Variants in BUB3 observed in about 807,000 individuals in gnomAD.
The protein encoded by BUB3 is BUB3 mitotic checkpoint protein.
Under a neutral mutation model 39.9 loss-of-function variants are expected in BUB3, and 22 were observed. That is an observed-to-expected ratio of 0.55 (90% CI 0.39 to 0.79). The LOEUF is 0.79. Among genes scored for constraint, BUB3 ranks in the 30% least tolerant of loss-of-function variants. The probability of loss-of-function intolerance (pLI) is 0.00; values close to 1 mark genes in which losing one functional copy is unlikely to be tolerated. For missense variants in BUB3, 303 were observed against 415.4 expected, an observed-to-expected ratio of 0.73 and a Z score of 2.35; for synonymous variants, 168 against 155.1, an observed-to-expected ratio of 1.08 and a Z score of -0.62.
chr10:123,157,166 A>G (rs965397106), intron 3 of BUB3, among the ~76,000 whole-genome samples: 3 of 152,226 alleles, frequency 2.0e-5, no homozygotes, highest in Admixed American at 6.5e-5. Context: ...GTCTATTGAA[A>G]ATTTGAACCA....
At chr10:123,155,423 TG>T (rs1266553817) in intron 2 of BUB3, among the ~76,000 whole-genome samples, 3 of 152,210 alleles carry the variant, frequency 2.0e-5, no homozygotes, top group Non-Finnish European at 4.4e-5. Context: ...TTAGGGGAAA[TG>T]TATGTTTACC....
rs754236959 is a variant in BUB3 at position 123,155,051 on chromosome 10, C to G, written c.134C>G (p.Pro45Arg). Residue 45 changes from proline to arginine, a missense_variant, in exon 2 of 8, where the codon CCG becomes CGG. By Grantham distance (103) the Pro-to-Arg change is moderately radical. This residue lies in a region of BUB3 where 121 missense variants were observed against 122.3 expected (regional missense o/e 0.99). Transcript: ENST00000368865. ...ACGTCCGTGCGTCTCTACGATGTGC[C>G]GGCCAACTCCATGCGGCTCAAGTAC... ...WDTSVRLYDVPANSMRLKYQH... is the reference protein window; with the variant it reads ...WDTSVRLYDVRANSMRLKYQH... The G allele has an allele frequency of 1.3e-5, 21 of 1,614,018 alleles. No individual in the cohort carries two copies. Among genetic ancestry groups the G allele is most frequent in the Non-Finnish European group, 1.6e-5 (19 of 1,180,040 alleles).
intron 5 of BUB3, among the ~76,000 whole-genome samples, chr10:123,160,865 G>C (rs1277124799): frequency 6.6e-6 from 1 of 152,062 alleles, no homozygotes; most frequent in Admixed American, 6.5e-5. Flanking sequence ...TGCTTCATAG[G>C]TATACAGTAA....
chr10:123,155,151 GT>G (rs777030906), intron 2 of BUB3, 39 bp downstream of exon 2: 1 of 1,592,508 alleles, frequency 6.3e-7, no homozygotes, highest in Non-Finnish European at 8.5e-7. Flanking sequence ...CTCTTACTGT[GT>G]TAACGATTCT....
Position 123,164,382 on chromosome 10 carries a change from G to A in BUB3, c.*547G>A. 1.0e-6 allele frequency: 1 copy of A among 985,694 alleles called. No individual in the cohort carries two copies. The highest frequency in any genetic ancestry group is 1.2e-6 in the Non-Finnish European group (1 of 830,160). The allele number at this position is 985,694 out of a possible 1,614,324, so 61.1% of individuals were successfully genotyped here. On this transcript the variant is annotated 3_prime_UTR_variant, in exon 8 of 8. Transcript: ENST00000368865. ...GGGCTGTTAAACAAAGCGAGGTTAA[G>A]GTTAGACTCTTGGGAATCAGCTAGT... is the stretch of plus-strand genomic sequence containing the variant.
Position 123,160,439 on chromosome 10 carries a change from G to A in BUB3, c.450G>A (p.Leu150=), listed in dbSNP as rs1214871374. Residue 150 remains leucine, a synonymous_variant, in exon 5 of 8, where the codon CTG becomes CTA. Coordinates refer to ENST00000368865, the MANE Select transcript of BUB3 (RefSeq NM_004725.4). ...VYTLSVSGDR[L]IVGTAGRRVL... The stretch of plus-strand genomic sequence containing the variant: ...CCCTCTCAGTGTCTGGAGACCGGCT[G>A]ATTGTGGGAACAGCAGGCCGCAGAG... 2.5e-6 allele frequency: 4 copies of A among 1,611,750 alleles called. No individual in the cohort carries two copies. The highest frequency in any genetic ancestry group is 2.7e-5 in the African/African-American group (2 of 74,736).
chr10:123,155,127 G>T lies in BUB3; in HGVS notation c.195+15G>T, dbSNP rs764275217. On this transcript the variant is annotated intron_variant, in intron 2 of 7. Transcript: ENST00000368865. ...GCGCCTTCTACGTAGGTGCCCTCCC[G>T]CCCTGCTCCTGCCCTCTTACTGTGT... 2.5e-6 allele frequency: 4 copies of T among 1,611,104 alleles called. 1 individual carries two copies. The highest frequency in any genetic ancestry group is 2.2e-5 in the South Asian group (2 of 90,890).
At chr10:123,156,753 G>GTTTTTTTTTTTT (rs756642442) in intron 3 of BUB3, among the ~76,000 whole-genome samples, 3,834 of 134,736 alleles carry the variant, frequency 0.028, 311 homozygotes, top group African/African-American at 0.1. Context: ...TTTCTTTCTT[G>GTTTTTTTTTTTT]TTTTTTTTTT....
Position 123,163,824 on chromosome 10 carries a change from C to T in BUB3, c.976C>T (p.Pro326Ser), listed in dbSNP as rs1420655299. ...VTDAETKPKS[P>S]CT ...TTTTTTCTTTTGAACTTGTAGGTCA[C>T]CATGTACTTGACAAGATTTCATTTA... Residue 326 changes from proline to serine, a missense_variant, in exon 8 of 8, where the codon CCA becomes TCA. Coordinates refer to ENST00000368865, the MANE Select transcript of BUB3 (RefSeq NM_004725.4). 10 of 1,607,900 alleles carry T rather than the reference C, an allele frequency of 6.2e-6. No individual in the cohort carries two copies. Among genetic ancestry groups the T allele is most frequent in the Non-Finnish European group, 8.5e-6 (10 of 1,175,396 alleles).
chr10:123,156,590 A>G (rs1844350134), intron 3 of BUB3, among the ~76,000 whole-genome samples: 1 of 152,178 alleles, frequency 6.6e-6, no homozygotes, highest in Non-Finnish European at 1.5e-5. Context: ...CCTGTGTAAT[A>G]AGTAAGCTTG....
At chr10:123,160,309 T>G in intron 4 of BUB3, 98 bp from the exon 5 acceptor site, 1 of 1,163,682 alleles carries the variant, frequency 8.6e-7, no homozygotes, top group Non-Finnish European at 1.2e-6. Flanking sequence ...GTCAGCTAAT[T>G]TTTTATGGTC....
At position 123,162,750 on chromosome 10, in the gene BUB3, T is replaced by C; in HGVS notation, c.893T>C (p.Met298Thr). 1 of 1,614,028 alleles carries C rather than the reference T, an allele frequency of 6.2e-7. No homozygotes were observed. Among genetic ancestry groups the C allele is most frequent in the South Asian group, 1.1e-5 (1 of 91,040 alleles). The change falls in exon 7 of 8, where the codon ATG (methionine) becomes ACG (threonine). Residue 298 changes from methionine (M) to threonine (T), a missense_variant. Physicochemically the swap from Met to Thr is moderately conservative, Grantham distance 81. Coordinates refer to ENST00000368865, the MANE Select transcript of BUB3 (RefSeq NM_004725.4). ...ACGCTTGCAATAGCGTCATCATATA[T>C]GTATGAAATGGATGACACAGAACAT... is the stretch of plus-strand genomic sequence containing the variant. Reference protein sequence around the residue: ...GTTLAIASSYMYEMDDTEHPE... With the variant: ...GTTLAIASSYTYEMDDTEHPE...
intron 7 of BUB3, 54 bp downstream of exon 7, chr10:123,162,882 A>G: frequency 6.5e-7 from 1 of 1,531,428 alleles, no homozygotes; most frequent in Non-Finnish European, 9.0e-7. Flanking sequence ...CCCAGGATTT[A>G]TTAATTTTTC....
chr10:123,158,358 C>T (rs10510124), intron 4 of BUB3, among the ~76,000 whole-genome samples: 4 of 152,206 alleles, frequency 2.6e-5, no homozygotes, highest in Non-Finnish European at 4.4e-5. Context: ...TTGTACTGTT[C>T]GTATATTTAT....
chr10:123,163,028 G>C lies in BUB3; in HGVS notation c.971+200G>C, dbSNP rs1300509013. 6 of 567,768 alleles carry C rather than the reference G, an allele frequency of 1.1e-5. No individual in the cohort carries two copies. In the East Asian group the frequency reaches 1.9e-4, roughly 18 times the overall value. 35.2% of individuals were successfully genotyped at this position (567,768 alleles called of 1,614,324 possible). The stretch of plus-strand genomic sequence containing the variant: ...CGTCTGATGGATAAAATTGTGCCTA[G>C]TTGTTTTGTAGAGAAGAATGTCAAA... On this transcript the variant is annotated intron_variant, in intron 7 of 7. Transcript: ENST00000368865.
Position 123,162,229 on chromosome 10 carries a change from T to C in BUB3, c.577-7T>C, listed in dbSNP as rs1227923402. 6.2e-7 allele frequency: 1 copy of C among 1,602,182 alleles called. No homozygotes were observed. Among genetic ancestry groups the C allele is most frequent in the Admixed American group, 1.8e-5 (1 of 56,142 alleles). ...ACCATTTTTTTCCTCTGGTTCTCTC[T>C]TGGCAGGGTTATGTATTAAGCTCTA... On this transcript the variant is annotated splice_polypyrimidine_tract_variant and splice_region_variant and intron_variant, in intron 5 of 7. Coordinates refer to ENST00000368865, the MANE Select transcript of BUB3 (RefSeq NM_004725.4).
chr10:123,164,213 G>C lies in BUB3; in HGVS notation c.*378G>C. 1.0e-6 allele frequency: 1 copy of C among 996,484 alleles called. No homozygotes were observed. The allele number at this position is 996,484 out of a possible 1,614,324, so 61.7% of individuals were successfully genotyped here. A position where few individuals can be genotyped will look rare whatever the true frequency, so the allele number is the denominator to read the frequency against. ...CCTTAAATGGTAGAGGAAAAGGCTC[G>C]TGAGCCATTTGTTTCTTTTGCTGGT... On this transcript the variant is annotated 3_prime_UTR_variant, in exon 8 of 8. Coordinates refer to ENST00000368865, the MANE Select transcript of BUB3 (RefSeq NM_004725.4).
Position 123,160,416 on chromosome 10 carries a change from C to T in BUB3, c.427C>T (p.Leu143Phe). 6.2e-7 allele frequency: 1 copy of T among 1,601,206 alleles called. No homozygotes were observed. ...TGATCTTTTTTAAAAGGTATATACC[C>T]TCTCAGTGTCTGGAGACCGGCTGAT... ...TFSQPEKVYTLSVSGDRLIVG... is the reference protein window; with the variant it reads ...TFSQPEKVYTFSVSGDRLIVG... The change falls in exon 5 of 8, where the codon CTC becomes TTC. Residue 143 changes from leucine to phenylalanine, a missense_variant. Leu to Phe is a conservative substitution (Grantham distance 22, BLOSUM62 0). Transcript: ENST00000368865.
At position 123,162,833 on chromosome 10, in the gene BUB3, G is replaced by A. The variant is rs1173002683; in HGVS notation, c.971+5G>A. ...AGATGCAGAAACAAAACCCAAGTGA[G>A]TATGCTTCACCTGTATTTGAGCCTT... On this transcript the variant is annotated splice_donor_5th_base_variant and intron_variant, in intron 7 of 7. Transcript: ENST00000368865. 6.2e-7 allele frequency: 1 copy of A among 1,608,488 alleles called. No individual in the cohort carries two copies. The highest frequency in any genetic ancestry group is 2.2e-5 in the East Asian group (1 of 44,846).
Sources: allele counts gnomAD v4.1 joint callset (sites outside exome capture counted in the v4.1 genomes callset), GRCh38; gene constraint gnomAD v4.1.1; regional missense constraint gnomAD v4.1.1; transcripts MANE v1.5; gene names NCBI Gene and HGNC (gene_info 2026-07-23, HGNC 2026-07-21).